ZC3H12B: variants seen among roughly 807,000 people sequenced by gnomAD.
ZC3H12B encodes probable ribonuclease ZC3H12B.
ZC3H12B carries 7 observed loss-of-function variants against 43.9 expected under a neutral mutation model. That is an observed-to-expected ratio of 0.16 (90% CI 0.09 to 0.30). The LOEUF (loss-of-function observed/expected upper bound fraction) is 0.30. ZC3H12B is among the 10% of genes least tolerant of loss of function. The pLI is 1.00. For missense variants in ZC3H12B, 475 were observed against 670.2 expected (o/e 0.71, Z 3.22); for synonymous variants, 222 against 241.7 (o/e 0.92, Z 0.76).
At chrX:65,231,267 A>T in the ZC3H12B span, among the ~76,000 whole-genome samples, 35 of 111,277 alleles carry the variant, frequency 3.1e-4, no homozygotes, top group East Asian at 9.6e-3. Flanking sequence ...ATAAAAGATC[A>T]CAAGGCAAAG....
the ZC3H12B span, among the ~76,000 whole-genome samples, chrX:65,158,101 C>T: frequency 1.0e-4 from 11 of 108,444 alleles, no homozygotes; most frequent in East Asian, 1.5e-3. Context: ...AGGACATGAA[C>T]TCATCATTTT....
At chrX:65,241,480 T>G in the ZC3H12B span, among the ~76,000 whole-genome samples, 131 of 111,161 alleles carry the variant, frequency 1.2e-3, 1 homozygote, top group African/African-American at 4.3e-3. Context: ...CTGGAAGAGA[T>G]CAGAGTTCTG....
At chrX:65,308,421 T>A in the ZC3H12B span, among the ~76,000 whole-genome samples, 4 of 111,392 alleles carry the variant, frequency 3.6e-5, no homozygotes, top group Non-Finnish European at 7.5e-5. Context: ...AGGGATCAAT[T>A]AAACAAGAAG....
chrX:65,381,241 A>G (rs1432181819), intron 2 of ZC3H12B, among the ~76,000 whole-genome samples: 1 of 111,939 alleles, frequency 8.9e-6, no homozygotes, highest in Non-Finnish European at 1.9e-5. Context: ...AACAGAAATT[A>G]TAACAAACTA....
chrX:65,295,117 C>A, the ZC3H12B span, among the ~76,000 whole-genome samples: 1 of 111,234 alleles, frequency 9.0e-6, no homozygotes, highest in Non-Finnish European at 1.9e-5. Flanking sequence ...CAAAACAAGT[C>A]TCAGTAAATT....
chrX:65,398,318 C>A (rs1051123885), intron 2 of ZC3H12B, among the ~76,000 whole-genome samples: 1 of 111,817 alleles, frequency 8.9e-6, no homozygotes, highest in Non-Finnish European at 1.9e-5. Context: ...CCAAAGCTAT[C>A]CTGAGCAAAA....
chrX:65,222,431 G>T, the ZC3H12B span, among the ~76,000 whole-genome samples: 2 of 110,087 alleles, frequency 1.8e-5, no homozygotes, highest in Non-Finnish European at 3.8e-5. Flanking sequence ...CTGATGACAT[G>T]TATTTAAAAA....
intron 2 of ZC3H12B, among the ~76,000 whole-genome samples, chrX:65,387,005 G>A (rs2066536829): frequency 8.9e-6 from 1 of 112,100 alleles, no homozygotes; most frequent in Admixed American, 9.5e-5. Flanking sequence ...ACTGTGGTCT[G>A]AGAGACAGTT....
chrX:65,090,626 G>A, the ZC3H12B span, among the ~76,000 whole-genome samples: 2 of 111,377 alleles, frequency 1.8e-5, no homozygotes, highest in South Asian at 7.6e-4. Flanking sequence ...CTACTCCCTG[G>A]AACCTGTGAA....
the ZC3H12B span, among the ~76,000 whole-genome samples, chrX:65,207,249 T>TACAC: frequency 2.4e-3 from 250 of 103,374 alleles, 2 homozygotes; most frequent in African/African-American, 9.2e-3. Flanking sequence ...TGTGTGTATA[T>TACAC]ATACACACAC....
chrX:65,077,007 G>T, the ZC3H12B span, among the ~76,000 whole-genome samples: 4 of 111,128 alleles, frequency 3.6e-5, no homozygotes, highest in Non-Finnish European at 7.6e-5. Flanking sequence ...GAATATTTTG[G>T]TTACTATTTT....
At chrX:65,404,079 T>TA (rs774868792) in intron 3 of ZC3H12B, among the ~76,000 whole-genome samples, 52 of 111,987 alleles carry the variant, frequency 4.6e-4, no homozygotes, top group African/African-American at 1.6e-3. Flanking sequence ...ACAAAAAAGT[T>TA]AAAAAACTTG....
the ZC3H12B span, among the ~76,000 whole-genome samples, chrX:65,310,672 A>T: frequency 4.5e-5 from 5 of 111,999 alleles, no homozygotes; most frequent in Non-Finnish European, 9.4e-5. Context: ...GAGCCAAAAG[A>T]GAGACCACAT....
the ZC3H12B span, among the ~76,000 whole-genome samples, chrX:65,175,588 C>A: frequency 8.9e-6 from 1 of 111,805 alleles, no homozygotes; most frequent in Non-Finnish European, 1.9e-5. Flanking sequence ...TGGTAGCTGG[C>A]AAGATGGCCG....
At chrX:65,394,984 G>A (rs1210994407) in intron 2 of ZC3H12B, among the ~76,000 whole-genome samples, 1 of 111,392 alleles carries the variant, frequency 9.0e-6, no homozygotes, top group Admixed American at 9.6e-5. Context: ...TTGTGAATGG[G>A]AGTTCAATTA....
chrX:65,313,515 T>A, the ZC3H12B span, among the ~76,000 whole-genome samples: 1 of 112,038 alleles, frequency 8.9e-6, no homozygotes, highest in African/African-American at 3.2e-5. Context: ...AGAACTGAAC[T>A]ATAATGTAAA....
upstream of ZC3H12B, among the ~76,000 whole-genome samples, chrX:65,363,352 G>T (rs186480599): frequency 2.7e-5 from 3 of 111,172 alleles, no homozygotes; most frequent in African/African-American, 9.8e-5. Flanking sequence ...TCTCCCTGCC[G>T]TTTGTGTCCG....
chrX:65,127,493 G>T, the ZC3H12B span, among the ~76,000 whole-genome samples: 1 of 111,184 alleles, frequency 9.0e-6, no homozygotes, highest in African/African-American at 3.3e-5. Flanking sequence ...CAGCCAGGAG[G>T]TGGCAGTCCT....
At chrX:65,212,460 T>A in the ZC3H12B span, among the ~76,000 whole-genome samples, 2 of 59,275 alleles carry the variant, frequency 3.4e-5, no homozygotes, top group Non-Finnish European at 5.0e-5. Flanking sequence ...TTATATAATA[T>A]GTAATATAAT....
Sources: allele counts gnomAD v4.1 joint callset (sites outside exome capture counted in the v4.1 genomes callset), GRCh38; gene constraint gnomAD v4.1.1; transcripts MANE v1.5; gene names NCBI Gene and HGNC (gene_info 2026-07-23, HGNC 2026-07-21).